TASP1: variants seen among roughly 807,000 people sequenced by gnomAD.
TASP1 encodes taspase 1, also known as threonine aspartase 1.
Under a neutral mutation model 56.6 loss-of-function variants are expected in TASP1, and 16 were observed. That is an observed-to-expected ratio of 0.28 (90% CI 0.19 to 0.43). TASP1 has a LOEUF of 0.43. Ranked by LOEUF, TASP1 falls within the 20% of genes least tolerant of loss-of-function variation. The pLI is 1.00. For missense variants in TASP1, 393 were observed against 511.6 expected (o/e 0.77, Z 2.24); for synonymous variants, 179 against 184.2 (o/e 0.97, Z 0.23).
intron 1 of TASP1, among the ~76,000 whole-genome samples, chr20:13,631,566 A>G (rs1272064030): frequency 1.3e-5 from 2 of 152,198 alleles, no homozygotes; most frequent in African/African-American, 4.8e-5. Flanking sequence ...TCATGCCATG[A>G]TATTTGGCCC....
the TASP1 span, among the ~76,000 whole-genome samples, chr20:13,215,244 T>C: frequency 6.6e-6 from 1 of 152,214 alleles, no homozygotes; most frequent in Admixed American, 6.5e-5. Context: ...GCCTGTTGCC[T>C]CAACTGTAAA....
the TASP1 span, among the ~76,000 whole-genome samples, chr20:13,297,718 T>C: frequency 6.6e-6 from 1 of 152,384 alleles, no homozygotes; most frequent in East Asian, 1.9e-4. Context: ...TTCGATCTTT[T>C]GGTTTTTCAA....
At chr20:13,144,767 G>GTA in the TASP1 span, among the ~76,000 whole-genome samples, 6 of 66,402 alleles carry the variant, frequency 9.0e-5, no homozygotes, top group Non-Finnish European at 1.5e-4. Context: ...GTGTGTGTGT[G>GTA]TATATATATA....
At chr20:13,270,598 A>G in the TASP1 span, 1 of 1,613,996 alleles carries the variant, frequency 6.2e-7, no homozygotes, top group South Asian at 1.1e-5. Flanking sequence ...CAGGCTGCAC[A>G]CCAACCCTTC....
intron 1 of TASP1, among the ~76,000 whole-genome samples, chr20:13,633,652 T>C (rs2049181265): frequency 6.6e-6 from 1 of 152,138 alleles, no homozygotes; most frequent in Non-Finnish European, 1.5e-5. Flanking sequence ...ATCTGTGATG[T>C]TTTTATCATA....
chr20:13,150,040 C>T, the TASP1 span, among the ~76,000 whole-genome samples: 2,725 of 152,254 alleles, frequency 0.018, 52 homozygotes, highest in South Asian at 0.03. Context: ...TGAATGCACA[C>T]GGGGACAGGC....
the TASP1 span, among the ~76,000 whole-genome samples, chr20:13,105,384 A>T: frequency 6.6e-6 from 1 of 152,188 alleles, no homozygotes; most frequent in Non-Finnish European, 1.5e-5. Context: ...CAAGTCAAAC[A>T]CAACGAAGTC....
At chr20:13,107,929 A>AT in the TASP1 span, among the ~76,000 whole-genome samples, 2 of 152,024 alleles carry the variant, frequency 1.3e-5, no homozygotes, top group African/African-American at 2.4e-5. Flanking sequence ...TATTTCCTTT[A>AT]TTTTTTCATT....
the TASP1 span, among the ~76,000 whole-genome samples, chr20:13,382,858 G>A: frequency 3.3e-5 from 5 of 152,104 alleles, no homozygotes; most frequent in Non-Finnish European, 7.3e-5. Flanking sequence ...AAAGTGAAAC[G>A]TGACAGAAAA....
intron 4 of TASP1, among the ~76,000 whole-genome samples, chr20:13,587,716 C>T (rs2047358965): frequency 6.6e-6 from 1 of 151,082 alleles, no homozygotes. Context: ...GGGAAAAAAA[C>T]ATGATTGTAT....
chr20:13,634,896 C>T lies in TASP1; in HGVS notation c.-75+3998G>A, dbSNP rs529786957. On this transcript the variant is annotated intron_variant, in intron 1 of 13. Transcript: ENST00000337743. ...ATACAAAAATAGCTAGGCGTGGTGG[C>T]GCATGCCTGTAATCCCAGCTACTCG... 5.7e-4 allele frequency among the ~76,000 whole-genome samples: 87 copies of T among 151,932 alleles called. 2 individuals carry two copies. The South Asian group carries it at 0.017, about 30-fold the overall frequency.
At chr20:13,391,191 G>A (rs2041260559) in intron 13 of TASP1, among the ~76,000 whole-genome samples, 1 of 152,178 alleles carries the variant, frequency 6.6e-6, no homozygotes, top group Non-Finnish European at 1.5e-5. Flanking sequence ...TTCTCCTATA[G>A]TCTTTGTAAA....
intron 11 of TASP1, among the ~76,000 whole-genome samples, chr20:13,472,512 C>A (rs1600908694): frequency 6.6e-6 from 1 of 151,104 alleles, no homozygotes; most frequent in South Asian, 2.1e-4. Flanking sequence ...AGAGCTTCTG[C>A]ACAGCAAAAG....
chr20:13,638,435 T>C (rs1568682682), intron 1 of TASP1, among the ~76,000 whole-genome samples: 1 of 151,686 alleles, frequency 6.6e-6, no homozygotes. Flanking sequence ...CTCCTCCCCC[T>C]GAGTAGTAAG....
intron 5 of TASP1, among the ~76,000 whole-genome samples, chr20:13,585,628 A>G (rs949202122): frequency 6.6e-6 from 1 of 152,118 alleles, no homozygotes; most frequent in African/African-American, 2.4e-5. Flanking sequence ...GAATACCACT[A>G]CACACATAAA....
intron 10 of TASP1, among the ~76,000 whole-genome samples, chr20:13,494,076 C>T (rs6105117): frequency 3.3e-5 from 5 of 152,244 alleles, no homozygotes; most frequent in South Asian, 4.2e-4. Context: ...TTATCCACAC[C>T]TGAGAACTTC....
At chr20:13,311,993 A>G in the TASP1 span, among the ~76,000 whole-genome samples, 1 of 152,240 alleles carries the variant, frequency 6.6e-6, no homozygotes, top group Non-Finnish European at 1.5e-5. Context: ...TTTTCCCACA[A>G]TGTATACACA....
At chr20:13,151,822 C>T in the TASP1 span, among the ~76,000 whole-genome samples, 1 of 152,136 alleles carries the variant, frequency 6.6e-6, no homozygotes, top group African/African-American at 2.4e-5. Flanking sequence ...ACACCTGGTT[C>T]ACCTTCACTC....
chr20:13,436,241 G>A (rs2042996830), intron 11 of TASP1, among the ~76,000 whole-genome samples: 1 of 152,026 alleles, frequency 6.6e-6, no homozygotes, highest in South Asian at 2.1e-4. Flanking sequence ...GGGTAGAGAG[G>A]ATAAAAGATG....
Sources: gnomAD v4.1 joint callset for allele counts (sites outside exome capture counted in the v4.1 genomes callset) on GRCh38, gnomAD v4.1.1 for gene constraint, MANE v1.5 for transcripts, NCBI Gene and HGNC (gene_info 2026-07-23, HGNC 2026-07-21) for gene names.